Variants in SLC8B1 observed in about 807,000 individuals in gnomAD.
SLC8B1 encodes mitochondrial sodium/calcium exchanger protein.
A neutral mutation model predicts 63.4 loss-of-function variants in SLC8B1; 52 were observed. The ratio of observed to expected loss-of-function variants is 0.82; its 90% confidence interval spans 0.66 to 1.03. SLC8B1 has a LOEUF of 1.03. SLC8B1 is among the 50% of genes least tolerant of loss of function. The pLI, the probability that SLC8B1 is intolerant of heterozygous loss-of-function variation, is 0.00. For missense variants in SLC8B1, 657 were observed against 741.7 expected (o/e 0.89, Z 1.33); for synonymous variants, 336 against 323.9 (o/e 1.04, Z -0.40).
In SLC8B1 at chr12:113,299,824, C is replaced by T. The variant is rs150854719; in HGVS notation, c.1708G>A (p.Val570Met). 1.9e-5 allele frequency: 31 copies of T among 1,614,060 alleles called. 1 individual carries two copies. In the Middle Eastern group the frequency reaches 4.9e-4, roughly 26 times the overall value. Reference protein sequence around the residue: ...LLLFYLNFLVVALLTEFGVIH... With the variant: ...LLLFYLNFLVMALLTEFGVIH... ...ACTCCAAATTCAGTGAGGAGGGCCACGACAAGGAAGTTCAGGTAGAAGAGG... is the reference window on the plus strand; with the variant it reads ...ACTCCAAATTCAGTGAGGAGGGCCATGACAAGGAAGTTCAGGTAGAAGAGG... Residue 570 changes from valine to methionine, a missense_variant, in exon 16 of 16, where the codon GTG becomes ATG. By Grantham distance (21) the Val-to-Met change is conservative (BLOSUM62 1). Transcript: ENST00000680972.
Position 113,320,452 on chromosome 12 carries a change from G to C in SLC8B1, c.573C>G (p.Ile191Met), listed in dbSNP as rs200870295. 1 of 1,614,150 alleles carries C rather than the reference G, an allele frequency of 6.2e-7. No individual in the cohort carries two copies. Among genetic ancestry groups the C allele is most frequent in the African/African-American group, 1.3e-5 (1 of 75,042 alleles). ...VTTVVAGGITILHPFMAASRP... is the reference protein window; with the variant it reads ...VTTVVAGGITMLHPFMAASRP... ...TGGAGGCAGCCATGAAGGGGTGTAG[G>C]ATGGTAATGCCTCCGGCCACCACTG... Residue 191 changes from isoleucine to methionine, a missense_variant, in exon 7 of 16, where the codon ATC (isoleucine) becomes ATG (methionine). By Grantham distance (10) the Ile-to-Met change is conservative. Transcript: ENST00000680972. The surrounding 1 kb of genome is among the most constrained non-coding windows in gnomAD (Gnocchi z 5.3).
Position 113,305,936 on chromosome 12 carries a change from G to C in SLC8B1, c.1492+559C>G, listed in dbSNP as rs973018976. ...TAGCTGGGCGTGGTCGTGGGCGCCT[G>C]TAGTCCCAGCTACTCAGAAGACTGA... is the stretch of plus-strand genomic sequence containing the variant. On this transcript the variant is annotated intron_variant, in intron 14 of 15. Coordinates refer to ENST00000680972, the MANE Select transcript of SLC8B1 (RefSeq NM_001358345.2). This position sits in a 1 kb window ranked among gnomAD's most constrained non-coding sequence, Gnocchi z 4.3. Among the ~76,000 whole-genome samples the C allele has an allele frequency of 6.6e-6, 1 of 151,896 alleles. No homozygotes were observed. The highest frequency in any genetic ancestry group is 6.6e-5 in the Admixed American group (1 of 15,236).
chr12:113,320,142 C>T lies in SLC8B1; in HGVS notation c.694+189G>A. 2 of 680,512 alleles carry T rather than the reference C, an allele frequency of 2.9e-6. No homozygotes were observed. The highest frequency in any genetic ancestry group is 4.8e-6 in the Non-Finnish European group (2 of 412,470). 42.2% of individuals were successfully genotyped at this position (680,512 alleles called of 1,614,324 possible). On this transcript the variant is annotated intron_variant, in intron 7 of 15. Coordinates refer to ENST00000680972, the MANE Select transcript of SLC8B1 (RefSeq NM_001358345.2). The surrounding 1 kb of genome is among the most constrained non-coding windows in gnomAD (Gnocchi z 5.3). Reference sequence around the variant, plus strand: ...CTCCCTCCCCAGCCCCCAGCTCTGCCAGGCCTCTTTGGTTATGTGACCCAC... The same window carrying T: ...CTCCCTCCCCAGCCCCCAGCTCTGCTAGGCCTCTTTGGTTATGTGACCCAC...
chr12:113,325,855 G>T (rs545634408), intron 2 of SLC8B1, among the ~76,000 whole-genome samples: 1 of 152,152 alleles, frequency 6.6e-6, no homozygotes, highest in Admixed American at 6.5e-5. Context: ...GAGCCACCGC[G>T]CCCAGCCCTG....
chr12:113,322,820 T>C (rs1346538105), intron 2 of SLC8B1, among the ~76,000 whole-genome samples: 1 of 152,098 alleles, frequency 6.6e-6, no homozygotes, highest in South Asian at 2.1e-4. Flanking sequence ...CTTGGTGGCA[T>C]ACGCCTGTAG....
chr12:113,313,675 G>A (rs1366337285), intron 11 of SLC8B1, among the ~76,000 whole-genome samples: 1 of 151,824 alleles, frequency 6.6e-6, no homozygotes, highest in Non-Finnish European at 1.5e-5. Context: ...AGAGGTGGAG[G>A]TTGCAGTGAG....
rs202100710 is a variant in SLC8B1, at chr12:113,316,934, G to C, written c.862+8C>G. On this transcript the variant is annotated splice_region_variant and intron_variant, in intron 9 of 15. Coordinates refer to ENST00000680972, the MANE Select transcript of SLC8B1 (RefSeq NM_001358345.2). ...GCCACCCTGGCTGGGCACAGGGCAC[G>C]GACTCACCGTAGTCATAGCTGTTGG... 1 of 1,612,914 alleles carries C rather than the reference G, an allele frequency of 6.2e-7. No individual in the cohort carries two copies. The highest frequency in any genetic ancestry group is 1.1e-5 in the South Asian group (1 of 90,774).
chr12:113,325,081 C>T (rs1255058796), intron 2 of SLC8B1, among the ~76,000 whole-genome samples: 1 of 152,150 alleles, frequency 6.6e-6, no homozygotes. Flanking sequence ...TAAAATGGGA[C>T]TAATTATACC....
At chr12:113,332,296 G>A (rs1487145811) in intron 2 of SLC8B1, among the ~76,000 whole-genome samples, 3 of 152,176 alleles carry the variant, frequency 2.0e-5, no homozygotes, top group African/African-American at 7.2e-5. Context: ...TGTTGAGACA[G>A]AGTCTTGCTT....
At chr12:113,321,779 A>ATT (rs1348703209) in intron 2 of SLC8B1, among the ~76,000 whole-genome samples, 21 of 140,040 alleles carry the variant, frequency 1.5e-4, no homozygotes, top group Non-Finnish European at 2.9e-4. Flanking sequence ...TGCTTTTACC[A>ATT]TTATATATAT....
At chr12:113,317,385 G>A (rs538029213) in intron 8 of SLC8B1, among the ~76,000 whole-genome samples, 8 of 152,294 alleles carry the variant, frequency 5.3e-5, no homozygotes, top group African/African-American at 1.7e-4. Context: ...CACTGCGCCC[G>A]GCCACGTCCA....
At position 113,300,432 on chromosome 12, in the gene SLC8B1, G is replaced by A. The variant is rs952966843; in HGVS notation, c.1558-458C>T. Among the ~76,000 whole-genome samples the A allele has an allele frequency of 1.8e-4, 28 of 152,094 alleles. 2 individuals carry two copies. The highest frequency in any genetic ancestry group is 5.9e-4 in the Admixed American group (9 of 15,272). On this transcript the variant is annotated intron_variant, in intron 15 of 15. Coordinates refer to ENST00000680972, the MANE Select transcript of SLC8B1 (RefSeq NM_001358345.2). ...CAGGAGGCGGAGGTTGCAGTAAGCC[G>A]ACATCGTGCTACTGCACTCCAGCTT...
At chr12:113,319,108 C>T in intron 7 of SLC8B1, 37 bp from the exon 8 acceptor site, 1 of 1,517,698 alleles carries the variant, frequency 6.6e-7, no homozygotes, top group Non-Finnish European at 9.2e-7. Flanking sequence ...AAGTGGTGTC[C>T]TGGTGCAGGT....
Position 113,319,081 on chromosome 12 carries a change from G to C in SLC8B1, c.695-10C>G. 1.2e-6 allele frequency: 2 copies of C among 1,608,372 alleles called. No homozygotes were observed. The highest frequency in any genetic ancestry group is 1.7e-6 in the Non-Finnish European group (2 of 1,174,920). Reference sequence around the variant, plus strand: ...TACAAGCCCAGGTAACCTGCAGACGGGGTGCACGCCGTCACCAAGTGGTGT... The same window carrying C: ...TACAAGCCCAGGTAACCTGCAGACGCGGTGCACGCCGTCACCAAGTGGTGT... On this transcript the variant is annotated splice_polypyrimidine_tract_variant and intron_variant, in intron 7 of 15. Coordinates refer to ENST00000680972, the MANE Select transcript of SLC8B1 (RefSeq NM_001358345.2).
At chr12:113,306,462 G>C (rs1329141002) in intron 14 of SLC8B1, 33 bp downstream of exon 14, 1 of 1,570,096 alleles carries the variant, frequency 6.4e-7, no homozygotes, top group East Asian at 2.3e-5. Flanking sequence ...TGTGACACCA[G>C]TGCTAAGGCC....
rs1184315266 is a variant in SLC8B1, at chr12:113,307,833, G to A, written c.1269C>T (p.Phe423=). Residue 423 remains phenylalanine (F), a synonymous_variant, in exon 13 of 16, where the codon TTC becomes TTT. Transcript: ENST00000680972. ...QPPRLHWLFA[F]LGFLTSALWI... ...ACAGGGCGCTGGTCAGAAAGCCCAG[G>A]AAAGCAAAGAGCTGCGGAGGGAATG... 1 of 1,612,740 alleles carries A rather than the reference G, an allele frequency of 6.2e-7. No homozygotes were observed. The highest frequency in any genetic ancestry group is 1.7e-5 in the Admixed American group (1 of 60,012).
intron 11 of SLC8B1, among the ~76,000 whole-genome samples, chr12:113,312,318 C>A (rs1049045042): frequency 2.0e-5 from 3 of 152,232 alleles, no homozygotes; most frequent in African/African-American, 7.2e-5. Flanking sequence ...CCTGTAATCC[C>A]AGCTACTTGG....
chr12:113,332,365 G>A (rs1021717556), intron 2 of SLC8B1, among the ~76,000 whole-genome samples: 32 of 152,134 alleles, frequency 2.1e-4, no homozygotes, highest in African/African-American at 7.0e-4. Context: ...TCCACCTCAC[G>A]GTTTCAAGCA....
intron 4 of SLC8B1, 34 bp downstream of exon 4, chr12:113,321,022 G>A (rs577491355): frequency 6.2e-7 from 1 of 1,603,680 alleles, no homozygotes; most frequent in South Asian, 1.1e-5. Flanking sequence ...TCCTCCCATT[G>A]ATAAGCCAGA....
Sources: gnomAD v4.1 joint callset for allele counts (sites outside exome capture counted in the v4.1 genomes callset) on GRCh38, gnomAD v4.1.1 for gene constraint, Gnocchi (gnomAD v3.1) non-coding constraint, MANE v1.5 for transcripts, NCBI Gene and HGNC (gene_info 2026-07-23, HGNC 2026-07-21) for gene names.